The following NLGN1 variants were observed in gnomAD, a reference collection of about 807,000 sequenced individuals.
NLGN1 encodes the protein neuroligin-1.
Under a neutral mutation model 65.5 loss-of-function variants are expected in NLGN1, and 12 were observed. The ratio of observed to expected loss-of-function variants is 0.18; its 90% CI spans 0.12 to 0.30. The LOEUF is 0.30. Among genes scored for constraint, NLGN1 ranks in the 10% least tolerant of loss-of-function variants. The pLI, the probability that NLGN1 is intolerant of heterozygous loss-of-function variation, is 1.00. For missense variants in NLGN1, 750 were observed against 1,007.1 expected (o/e 0.74, Z 3.46); for synonymous variants, 350 against 359.5 (o/e 0.97, Z 0.30).
chr3:173,746,066 C>A (rs1775313807), intron 3 of NLGN1, among the ~76,000 whole-genome samples: 1 of 151,988 alleles, frequency 6.6e-6, no homozygotes, highest in Admixed American at 6.6e-5. Context: ...AGGATTTTCT[C>A]TCTCAGGATT....
intron 2 of NLGN1, among the ~76,000 whole-genome samples, chr3:173,444,370 A>G (rs1719773767): frequency 6.6e-6 from 1 of 152,196 alleles, no homozygotes; most frequent in African/African-American, 2.4e-5. Context: ...ATGGAAGATA[A>G]AAGTTAGACT....
chr3:173,882,390 AT>A, intron 4 of NLGN1, among the ~76,000 whole-genome samples: 1 of 152,212 alleles, frequency 6.6e-6, no homozygotes. Context: ...CTATTTAGAT[AT>A]GAAATCCTAG....
rs146301943 is a variant in NLGN1 at position 174,043,882 on chromosome 3, AGGTTCT to A, written c.647-231432_647-231427del. On this transcript the variant is annotated intron_variant, in intron 4 of 6. Transcript: ENST00000457714. ...TTTCCCTTATGCACTGCCCTGGCAG[AGGTTCT>A]CCATGAGGTCTCTGCCCCTGCAGCC... Among the ~76,000 whole-genome samples the A allele has an allele frequency of 6.2e-3, 941 of 152,300 alleles. 20 individuals carry two copies. Among genetic ancestry groups the A allele is most frequent in the East Asian group, 0.039 (199 of 5,164 alleles).
chr3:173,750,655 A>G (rs1776189818), intron 3 of NLGN1, among the ~76,000 whole-genome samples: 1 of 152,096 alleles, frequency 6.6e-6, no homozygotes, highest in African/African-American at 2.4e-5. Flanking sequence ...ATCATTATGC[A>G]CACTAATTAT....
At chr3:173,834,703 C>G (rs1395944092) in intron 4 of NLGN1, among the ~76,000 whole-genome samples, 2 of 152,126 alleles carry the variant, frequency 1.3e-5, no homozygotes, top group African/African-American at 2.4e-5. Flanking sequence ...AATTGAACAT[C>G]AGAAAAGTTA....
intron 3 of NLGN1, among the ~76,000 whole-genome samples, chr3:173,650,564 A>G (rs2149638064): frequency 6.6e-6 from 1 of 152,250 alleles, no homozygotes; most frequent in South Asian, 2.1e-4. Flanking sequence ...ATTGTGCATT[A>G]AATTTGTATC....
At chr3:173,955,857 G>A (rs545686974) in intron 4 of NLGN1, among the ~76,000 whole-genome samples, 7 of 152,052 alleles carry the variant, frequency 4.6e-5, no homozygotes, top group Non-Finnish European at 7.4e-5. Context: ...TTAGTCAAAT[G>A]GGTCATTTTA....
In NLGN1 at chr3:174,267,066, T is replaced by C. The variant is rs76542735; in HGVS notation, c.647-8249T>C. 6.0e-3 allele frequency among the ~76,000 whole-genome samples: 908 copies of C among 152,296 alleles called. 23 individuals are homozygous for C. Among genetic ancestry groups the C allele is most frequent in the East Asian group, 0.03 (155 of 5,176 alleles). ...GGGGTGGGTACTATTACTGATATTG[T>C]CTATTAGGAAACCAAAACTCAGAGG... is the stretch of plus-strand genomic sequence containing the variant. On this transcript the variant is annotated intron_variant, in intron 4 of 6. Coordinates refer to ENST00000457714, the Ensembl canonical transcript of NLGN1.
chr3:173,835,209 G>C (rs957687577), intron 4 of NLGN1, among the ~76,000 whole-genome samples: 3 of 152,024 alleles, frequency 2.0e-5, no homozygotes, highest in African/African-American at 7.2e-5. Context: ...TTATTATTTT[G>C]CTTTAAACAT....
At chr3:174,071,268 T>G (rs1917638) in intron 4 of NLGN1, among the ~76,000 whole-genome samples, 32,229 of 152,032 alleles carry the variant, frequency 0.21, 3,763 homozygotes, top group East Asian at 0.47. Flanking sequence ...CAGAGAAATG[T>G]TGGTAGAATA....
chr3:173,408,004 G>C (rs971272387), intron 1 of NLGN1, among the ~76,000 whole-genome samples: 6 of 152,098 alleles, frequency 3.9e-5, no homozygotes, highest in African/African-American at 1.4e-4. Context: ...TGTGACACTG[G>C]TTGATACAAA....
intron 4 of NLGN1, among the ~76,000 whole-genome samples, chr3:174,189,081 T>C (rs1731917512): frequency 1.3e-5 from 2 of 152,008 alleles, no homozygotes; most frequent in Admixed American, 6.6e-5. Context: ...TGCCTCATTA[T>C]CATGCACATA....
intron 4 of NLGN1, among the ~76,000 whole-genome samples, chr3:174,104,908 T>C (rs1264175601): frequency 6.6e-6 from 1 of 152,132 alleles, no homozygotes; most frequent in Non-Finnish European, 1.5e-5. Context: ...TTAGACATTA[T>C]TCTGGGGTCA....
chr3:173,651,910 A>G (rs965244715), intron 3 of NLGN1, among the ~76,000 whole-genome samples: 4 of 152,082 alleles, frequency 2.6e-5, no homozygotes, highest in African/African-American at 4.8e-5. Flanking sequence ...CTCCTGCCTC[A>G]GCTTCCTGAG....
chr3:173,760,294 T>C (rs997274333), intron 3 of NLGN1, among the ~76,000 whole-genome samples: 9 of 151,996 alleles, frequency 5.9e-5, no homozygotes, highest in Non-Finnish European at 1.2e-4. Flanking sequence ...TGTCTTTGTA[T>C]GCTTCACAGT....
intron 2 of NLGN1, among the ~76,000 whole-genome samples, chr3:173,493,250 C>T (rs952803476): frequency 2.6e-5 from 4 of 151,734 alleles, no homozygotes; most frequent in Non-Finnish European, 4.4e-5. Flanking sequence ...TCTATCCAGG[C>T]GTGTTTATGA....
intron 3 of NLGN1, among the ~76,000 whole-genome samples, chr3:173,649,922 T>C (rs1368946966): frequency 6.6e-6 from 1 of 152,096 alleles, no homozygotes; most frequent in Non-Finnish European, 1.5e-5. Context: ...TATACTCAAA[T>C]ATTTCTCCCA....
intron 4 of NLGN1, among the ~76,000 whole-genome samples, chr3:174,194,705 T>C (rs1733053022): frequency 6.7e-6 from 1 of 148,770 alleles, no homozygotes; most frequent in African/African-American, 2.5e-5. Flanking sequence ...TATATATATA[T>C]AGACATAGAT....
intron 4 of NLGN1, among the ~76,000 whole-genome samples, chr3:174,194,634 CAAAA>C (rs199952308): frequency 1.3e-5 from 2 of 148,482 alleles, no homozygotes; most frequent in Non-Finnish European, 3.0e-5. Context: ...ATAGTTATCT[CAAAA>C]AAAAGCAAAA....
Sources: gnomAD v4.1 joint callset for allele counts (sites outside exome capture counted in the v4.1 genomes callset) on GRCh38, gnomAD v4.1.1 for gene constraint, MANE v1.5 for transcripts, NCBI Gene and HGNC (gene_info 2026-07-23, HGNC 2026-07-21) for gene names.